The following SLC22A3 variants were observed in gnomAD, a reference collection of about 807,000 sequenced individuals.
The protein encoded by SLC22A3 is EMT organic cation transporter 3.
SLC22A3 carries 51 observed loss-of-function variants against 59.1 expected under a neutral mutation model. The ratio of observed to expected loss-of-function variants is 0.86; its 90% CI spans 0.69 to 1.09. The LOEUF (loss-of-function observed/expected upper bound fraction) is 1.09. Among genes scored for constraint, SLC22A3 ranks in the 50% least tolerant of loss-of-function variants. The probability of loss-of-function intolerance (pLI) is 0.00; values close to 1 mark genes in which losing one functional copy is unlikely to be tolerated. For missense variants in SLC22A3, 711 were observed against 726.3 expected (o/e 0.98, Z 0.24); for synonymous variants, 325 against 292.0 (o/e 1.11, Z -1.15).
At chr6:160,390,056 AC>A (rs1786188116) in intron 1 of SLC22A3, among the ~76,000 whole-genome samples, 1 of 152,202 alleles carries the variant, frequency 6.6e-6, no homozygotes, top group African/African-American at 2.4e-5. Context: ...TGATTAACTT[AC>A]TTAGAACTAA....
intron 5 of SLC22A3, among the ~76,000 whole-genome samples, chr6:160,429,539 G>A (rs918481426): frequency 6.6e-6 from 1 of 152,160 alleles, no homozygotes; most frequent in African/African-American, 2.4e-5. Flanking sequence ...ATGGGAGTGA[G>A]CCGATGAGGT....
intron 5 of SLC22A3, among the ~76,000 whole-genome samples, chr6:160,436,448 A>C (rs954415981): frequency 6.6e-6 from 1 of 152,154 alleles, no homozygotes; most frequent in Non-Finnish European, 1.5e-5. Context: ...AGAAACCCTT[A>C]ATTGGTTGGA....
At chr6:160,357,563 T>G (rs1240412422) in intron 1 of SLC22A3, among the ~76,000 whole-genome samples, 1 of 152,184 alleles carries the variant, frequency 6.6e-6, no homozygotes, top group Non-Finnish European at 1.5e-5. Context: ...TTATGGGGAT[T>G]AAGTGGTTGT....
intron 1 of SLC22A3, among the ~76,000 whole-genome samples, chr6:160,375,632 CT>C (rs1785561657): frequency 6.6e-6 from 1 of 152,320 alleles, no homozygotes; most frequent in South Asian, 2.1e-4. Flanking sequence ...AAGTAGCTCA[CT>C]TAAGAAAGGA....
intron 1 of SLC22A3, among the ~76,000 whole-genome samples, chr6:160,397,648 C>T (rs946592733): frequency 4.6e-5 from 7 of 150,610 alleles, no homozygotes; most frequent in South Asian, 2.1e-4. Context: ...GCAGGAGAAT[C>T]GCTTGAACCC....
intron 5 of SLC22A3, among the ~76,000 whole-genome samples, chr6:160,411,068 A>G (rs1443743640): frequency 2.0e-5 from 3 of 152,246 alleles, no homozygotes; most frequent in Admixed American, 6.5e-5. Context: ...GGGAAAAATC[A>G]TAGGACATAT....
At position 160,447,748 on chromosome 6, in the gene SLC22A3, G is replaced by C; in HGVS notation, c.1540G>C (p.Val514Leu). ...GILASICGGL[V>L]MLLPETKGIA... is the part of the protein sequence containing the mutation. Reference sequence around the variant, plus strand: ...CCTGGCATCCATCTGTGGTGGCCTTGTGATGCTTTTGCCTGAAACCAAGGG... The same window carrying C: ...CCTGGCATCCATCTGTGGTGGCCTTCTGATGCTTTTGCCTGAAACCAAGGG... The change falls in exon 10 of 11, where the codon GTG (valine) becomes CTG (leucine). Residue 514 changes from valine (V) to leucine (L), a missense_variant. Transcript: ENST00000275300. 1 of 1,614,100 alleles carries C rather than the reference G, an allele frequency of 6.2e-7. No individual in the cohort carries two copies. Among genetic ancestry groups the C allele is most frequent in the Admixed American group, 1.7e-5 (1 of 60,026 alleles).
intron 1 of SLC22A3, among the ~76,000 whole-genome samples, chr6:160,373,809 A>AG (rs1182041068): frequency 6.6e-6 from 1 of 152,084 alleles, no homozygotes; most frequent in African/African-American, 2.4e-5. Context: ...TTACACGGTG[A>AG]GGGGGAAAAC....
chr6:160,421,605 C>G (rs984895003), intron 5 of SLC22A3, among the ~76,000 whole-genome samples: 1 of 152,174 alleles, frequency 6.6e-6, no homozygotes, highest in Non-Finnish European at 1.5e-5. Flanking sequence ...GTATTACAAA[C>G]AAAAGTAAAA....
chr6:160,353,619 C>A lies in SLC22A3; in HGVS notation c.429+4771C>A, dbSNP rs534790372. ...GGGAAAAGATGTTCTATTCTCACAC[C>A]CTCTCATCTTCATTATTTTCTCTGC... On this transcript the variant is annotated intron_variant, in intron 1 of 10. Coordinates refer to ENST00000275300, the MANE Select transcript of SLC22A3 (RefSeq NM_021977.4). 7.9e-5 allele frequency among the ~76,000 whole-genome samples: 12 copies of A among 152,048 alleles called. No homozygotes were observed. The South Asian group carries it at 2.3e-3, about 29-fold the overall frequency.
intron 4 of SLC22A3, 32 bp downstream of exon 4, chr6:160,408,953 A>G (rs1211773646): frequency 4.4e-6 from 7 of 1,593,294 alleles, no homozygotes; most frequent in Non-Finnish European, 6.0e-6. Flanking sequence ...TCATATTTAT[A>G]CTGATTCTGC....
chr6:160,395,757 A>G lies in SLC22A3; in HGVS notation c.430-2222A>G, dbSNP rs1444432586. On this transcript the variant is annotated intron_variant, in intron 1 of 10. Transcript: ENST00000275300. ...TGATCATCTCAGCAACTCTGTGAGA[A>G]GCCAACTACTACTGCCTCCAAATTT... Among the ~76,000 whole-genome samples, 3 of 152,220 alleles carry G rather than the reference A, an allele frequency of 2.0e-5. No individual in the cohort carries two copies. In the South Asian group the frequency reaches 6.2e-4, roughly 31 times the overall value.
intron 5 of SLC22A3, chr6:160,426,489 T>A: frequency 2.9e-6 from 1 of 349,586 alleles, no homozygotes; most frequent in Non-Finnish European, 4.0e-6. Context: ...GTTCCCACTC[T>A]AATGTGTCTG....
At chr6:160,396,649 C>T (rs1786483429) in intron 1 of SLC22A3, among the ~76,000 whole-genome samples, 1 of 152,078 alleles carries the variant, frequency 6.6e-6, no homozygotes, top group South Asian at 2.1e-4. Flanking sequence ...ATTTCATGAC[C>T]TAACTAGAAA....
intron 1 of SLC22A3, among the ~76,000 whole-genome samples, chr6:160,352,098 G>A (rs1259309346): frequency 6.6e-6 from 1 of 152,328 alleles, no homozygotes; most frequent in Non-Finnish European, 1.5e-5. Context: ...TGGCAGATGG[G>A]GAGGCTGTGC....
intron 1 of SLC22A3, 65 bp downstream of exon 1, chr6:160,348,913 G>T: frequency 6.5e-7 from 1 of 1,534,138 alleles, no homozygotes; most frequent in South Asian, 1.2e-5. Context: ...AGGCGGACAA[G>T]CCGCGTGTGA....
chr6:160,429,108 G>C (rs1365937340), intron 5 of SLC22A3, among the ~76,000 whole-genome samples: 1 of 152,198 alleles, frequency 6.6e-6, no homozygotes, highest in Non-Finnish European at 1.5e-5. Context: ...CCTGATGCTT[G>C]TCTGTAAGAC....
At position 160,436,843 on chromosome 6, in the gene SLC22A3, A is replaced by G; in HGVS notation, c.1039A>G (p.Met347Val). 6.2e-7 allele frequency: 1 copy of G among 1,613,960 alleles called. No individual in the cohort carries two copies. Among genetic ancestry groups the G allele is most frequent in the Non-Finnish European group, 8.5e-7 (1 of 1,179,864 alleles). Reference sequence around the variant, plus strand: ...TTTAGATCTGGTGAGAACTCCCCAAATGAGGAAATGCACACTTATTCTTAT... The same window carrying G: ...TTTAGATCTGGTGAGAACTCCCCAAGTGAGGAAATGCACACTTATTCTTAT... ...SFLDLVRTPQ[M>V]RKCTLILMFA... is the part of the protein sequence containing the mutation. The change falls in exon 6 of 11, where the codon ATG becomes GTG. Residue 347 changes from methionine (M) to valine (V), a missense_variant. Physicochemically the swap from Met to Val is conservative, Grantham distance 21. Coordinates refer to ENST00000275300, the MANE Select transcript of SLC22A3 (RefSeq NM_021977.4).
At chr6:160,350,117 G>C (rs1349067208) in intron 1 of SLC22A3, among the ~76,000 whole-genome samples, 1 of 151,902 alleles carries the variant, frequency 6.6e-6, no homozygotes, top group African/African-American at 2.4e-5. Context: ...TGGCAGGACA[G>C]CCAGGCGATG....
Sources: gnomAD v4.1 joint callset for allele counts (sites outside exome capture counted in the v4.1 genomes callset) on GRCh38, gnomAD v4.1.1 for gene constraint, MANE v1.5 for transcripts, NCBI Gene and HGNC (gene_info 2026-07-23, HGNC 2026-07-21) for gene names.